The following LAMB1 variants were observed in gnomAD, a reference collection of about 807,000 sequenced individuals.
LAMB1 encodes laminin subunit beta-1.
Under a neutral mutation model 222.3 loss-of-function variants are expected in LAMB1, and 121 were observed. That is an observed-to-expected ratio of 0.54 (90% CI 0.47 to 0.63). The LOEUF (loss-of-function observed/expected upper bound fraction) is 0.63, where lower values mean the gene tolerates loss of function less well. Among genes scored for constraint, LAMB1 ranks in the 30% least tolerant of loss-of-function variants. The pLI is 0.00. For missense variants in LAMB1, 2,172 were observed against 2,240.8 expected (o/e 0.97, Z 0.62); for synonymous variants, 794 against 807.2 (o/e 0.98, Z 0.28).
intron 13 of LAMB1, among the ~76,000 whole-genome samples, chr7:107,964,933 T>C (rs2150431730): frequency 6.6e-6 from 1 of 152,328 alleles, no homozygotes; most frequent in Non-Finnish European, 1.5e-5. Context: ...TAACACGCCG[T>C]CCGCATCACA....
intron 8 of LAMB1, among the ~76,000 whole-genome samples, chr7:107,978,647 G>GT (rs11438298): frequency 0.36 from 54,314 of 151,616 alleles, 10,565 homozygotes; most frequent in Middle Eastern, 0.5. Flanking sequence ...GCTTATTTTA[G>GT]TTTTTTTTAC....
chr7:107,977,196 G>A (rs200093527), intron 9 of LAMB1, among the ~76,000 whole-genome samples: 1 of 56,772 alleles, frequency 1.8e-5, no homozygotes. Flanking sequence ...GACCACTCCA[G>A]CTCTCACTGG....
intron 2 of LAMB1, chr7:108,002,505 C>T (rs2034411159): frequency 8.8e-7 from 1 of 1,130,254 alleles, no homozygotes; most frequent in African/African-American, 1.6e-5. Context: ...TTTGGAGAGC[C>T]CTCCTCGGTC....
intron 28 of LAMB1, 36 bp downstream of exon 28, chr7:107,932,138 A>C (rs1378691335): frequency 6.3e-7 from 1 of 1,590,514 alleles, no homozygotes; most frequent in Non-Finnish European, 8.6e-7. Flanking sequence ...GAAAGCAAAC[A>C]TACATAACAA....
In LAMB1 at chr7:107,951,939, A is replaced by C; in HGVS notation, c.3294+70T>G. The C allele has an allele frequency of 4.4e-6, 6 of 1,364,502 alleles. No individual in the cohort carries two copies. The Admixed American group carries it at 1.2e-4, about 27-fold the overall frequency. The allele number at this position is 1,364,502 out of a possible 1,614,324, so 84.5% of individuals were successfully genotyped here. A position where few individuals can be genotyped will look rare whatever the true frequency, so the allele number is the denominator to read the frequency against. ...CTGTGTGCCCTGGTGCCTTGCTCTA[A>C]CTGGGGCAAAGTCACCATGGGCTGA... On this transcript the variant is annotated intron_variant, in intron 23 of 33. Coordinates refer to ENST00000222399, the MANE Select transcript of LAMB1 (RefSeq NM_002291.3).
rs1366260530 is a variant in LAMB1 at position 107,959,431 on chromosome 7, G to A, written c.2508C>T (p.Val836=). Residue 836 remains valine (V), a synonymous_variant, in exon 20 of 34, where the codon GTC becomes GTT. Coordinates refer to ENST00000222399, the MANE Select transcript of LAMB1 (RefSeq NM_002291.3). ...CCTGGAAACAGTGGCACTGGCCAGTGACGGGATTGCAGAAGGCATTGACAG... is the reference window on the plus strand; with the variant it reads ...CCTGGAAACAGTGGCACTGGCCAGTAACGGGATTGCAGAAGGCATTGACAG... ...QGSVNAFCNP[V]TGQCHCFQGV... The A allele has an allele frequency of 2.5e-6, 4 of 1,614,140 alleles. No individual in the cohort carries two copies. In the East Asian group the frequency reaches 8.9e-5, roughly 36 times the overall value.
chr7:107,954,415 C>CT (rs1031479676), intron 21 of LAMB1, among the ~76,000 whole-genome samples: 13 of 151,236 alleles, frequency 8.6e-5, no homozygotes, highest in Non-Finnish European at 1.9e-4. Context: ...AGCAATCCTC[C>CT]TGCCTCAGCC....
At chr7:107,950,923 G>GGTGTGTGT (rs57060477) in intron 24 of LAMB1, among the ~76,000 whole-genome samples, 6,583 of 147,790 alleles carry the variant, frequency 0.045, 199 homozygotes, top group Non-Finnish European at 0.068. Flanking sequence ...GTGTATTTGT[G>GGTGTGTGT]GTGTGTGTGT....
intron 3 of LAMB1, among the ~76,000 whole-genome samples, chr7:107,998,864 T>C (rs576212087): frequency 6.6e-6 from 1 of 152,292 alleles, no homozygotes; most frequent in East Asian, 1.9e-4. Flanking sequence ...TTTGCTGACA[T>C]AAAGCAAACT....
intron 9 of LAMB1, among the ~76,000 whole-genome samples, chr7:107,977,729 C>G (rs563571536): frequency 2.6e-4 from 39 of 152,230 alleles, no homozygotes; most frequent in African/African-American, 9.4e-4. Flanking sequence ...CAGTGAGCCG[C>G]CTGTGCCACT....
chr7:107,997,903 T>G (rs1159476307), intron 4 of LAMB1, among the ~76,000 whole-genome samples: 2 of 152,306 alleles, frequency 1.3e-5, no homozygotes, highest in East Asian at 3.9e-4. Context: ...TGCTGCTTAT[T>G]CATAGTGTTA....
chr7:107,985,351 C>T (rs926713067), intron 7 of LAMB1, among the ~76,000 whole-genome samples: 4 of 152,142 alleles, frequency 2.6e-5, no homozygotes, highest in Non-Finnish European at 5.9e-5. Flanking sequence ...GGGCCAGGCG[C>T]GCTGGTTCAC....
At chr7:108,002,115 A>G (rs1443961350) in intron 2 of LAMB1, 1 of 1,468,362 alleles carries the variant, frequency 6.8e-7, no homozygotes. Context: ...TGACCCCCAA[A>G]GGGCCACACA....
Position 107,960,464 on chromosome 7 carries a change from CA to C in LAMB1, c.2294del (p.Leu765ArgfsTer17). ...CRNIIFSISA[L>X]LHQTGLACEC... ...ACCTACCCAGGCCTGTCTGGTGTAACAGGGCAGAAATGCTAAAGATGATGTT... is the reference window on the plus strand; with the variant it reads ...ACCTACCCAGGCCTGTCTGGTGTAACGGGCAGAAATGCTAAAGATGATGTT... On this transcript the variant is annotated frameshift_variant, in exon 18 of 34. Transcript: ENST00000222399. LOFTEE classifies it high-confidence loss of function. 1.2e-6 allele frequency: 2 copies of C among 1,614,066 alleles called. No individual in the cohort carries two copies. The highest frequency in any genetic ancestry group is 1.7e-6 in the Non-Finnish European group (2 of 1,179,964).
chr7:107,980,546 G>C (rs1365887837), intron 8 of LAMB1, 63 bp downstream of exon 8: 1 of 1,330,158 alleles, frequency 7.5e-7, no homozygotes, highest in Non-Finnish European at 1.1e-6. Flanking sequence ...GGTAAGACTA[G>C]CTTCACTTTG....
intron 1 of LAMB1, 66 bp from the exon 2 acceptor site, chr7:108,003,037 T>A (rs1032006396): frequency 2.8e-6 from 4 of 1,441,194 alleles, no homozygotes; most frequent in Non-Finnish European, 3.6e-6. Context: ...CCCTTCCATT[T>A]CCTGTCGCTC....
At chr7:107,992,429 C>CTTAA (rs2034202989) in intron 5 of LAMB1, among the ~76,000 whole-genome samples, 2 of 152,206 alleles carry the variant, frequency 1.3e-5, no homozygotes, top group South Asian at 4.1e-4. Context: ...TCCCATAAGG[C>CTTAA]TTAAAGTAGG....
chr7:107,991,713 A>G (rs1223767822), intron 5 of LAMB1, among the ~76,000 whole-genome samples: 1 of 152,152 alleles, frequency 6.6e-6, no homozygotes, highest in Non-Finnish European at 1.5e-5. Flanking sequence ...GTTCAAGACC[A>G]GCCTGGCCAA....
intron 2 of LAMB1, chr7:108,002,407 A>G: frequency 7.6e-7 from 1 of 1,313,126 alleles, no homozygotes; most frequent in Non-Finnish European, 1.0e-6. Flanking sequence ...GGAGACAAAC[A>G]GAGATGGTTA....
Sources: gnomAD v4.1 joint callset for allele counts (sites outside exome capture counted in the v4.1 genomes callset) on GRCh38, gnomAD v4.1.1 for gene constraint, MANE v1.5 for transcripts, NCBI Gene and HGNC (gene_info 2026-07-23, HGNC 2026-07-21) for gene names.